Variants in NR3C1 observed in about 807,000 individuals in gnomAD.
The protein encoded by NR3C1 is glucocorticoid receptor.
In NR3C1, 14 loss-of-function variants were observed where a neutral mutation model predicts 74.0. The observed-to-expected ratio is 0.19, with a 90% confidence interval of 0.12 to 0.30. NR3C1 has a LOEUF of 0.30. Among genes scored for constraint, NR3C1 ranks in the 10% least tolerant of loss-of-function variants. The pLI, the probability that NR3C1 is intolerant of heterozygous loss-of-function variation, is 1.00. For synonymous variants in NR3C1, 308 were observed against 332.5 expected, an observed-to-expected ratio of 0.93 and a Z score of 0.80; for missense variants, 695 against 909.8, an observed-to-expected ratio of 0.76 and a Z score of 3.04.
chr5:143,279,190 C>T lies in NR3C1; in HGVS notation c.*2699G>A, dbSNP rs1289606543. On this transcript the variant is annotated 3_prime_UTR_variant, in exon 9 of 9. Transcript: ENST00000394464. ...CCACAATTAAACATAATTAAGATGACTTTCTTTTCCCCCACGTATCCTAAA... is the reference window on the plus strand; with the variant it reads ...CCACAATTAAACATAATTAAGATGATTTTCTTTTCCCCCACGTATCCTAAA... 1 of 689,554 alleles carries T rather than the reference C, an allele frequency of 1.5e-6. No individual in the cohort carries two copies. Among genetic ancestry groups the T allele is most frequent in the Admixed American group, 3.7e-5 (1 of 27,138 alleles). The allele number at this position is 689,554 out of a possible 1,614,324, so 42.7% of individuals were successfully genotyped here. A position where few individuals can be genotyped will look rare whatever the true frequency, so the allele number is the denominator to read the frequency against.
chr5:143,295,401 T>C lies in NR3C1; in HGVS notation c.2023+59A>G, dbSNP rs558692222. On this transcript the variant is annotated intron_variant, in intron 7 of 8. Transcript: ENST00000394464. ...AGTACTATGTATATAAATTAACCTT[T>C]GTTTCTAGGCCTTCATATTTCATGC... 9 of 1,599,646 alleles carry C rather than the reference T, an allele frequency of 5.6e-6. No individual in the cohort carries two copies. The East Asian group carries it at 9.0e-5, about 16-fold the overall frequency.
chr5:143,288,499 CTG>C (rs1432474460), intron 7 of NR3C1, among the ~76,000 whole-genome samples: 2 of 151,452 alleles, frequency 1.3e-5, no homozygotes, highest in African/African-American at 4.9e-5. Flanking sequence ...TTCTATCAGA[CTG>C]TGTTTTTGAG....
intron 2 of NR3C1, among the ~76,000 whole-genome samples, chr5:143,370,639 C>A (rs78841562): frequency 1.3e-5 from 2 of 152,192 alleles, no homozygotes; most frequent in African/African-American, 4.8e-5. Context: ...TTAGCAAGGT[C>A]GGCATTTAGC....
chr5:143,396,781 A>G (rs1393607912), intron 2 of NR3C1, among the ~76,000 whole-genome samples: 1 of 151,788 alleles, frequency 6.6e-6, no homozygotes, highest in Non-Finnish European at 1.5e-5. Flanking sequence ...GGATACGAAC[A>G]ATTTTTTAAC....
chr5:143,378,835 G>A (rs1835684208), intron 2 of NR3C1, among the ~76,000 whole-genome samples: 1 of 152,102 alleles, frequency 6.6e-6, no homozygotes, highest in African/African-American at 2.4e-5. Context: ...AATGTGGAAT[G>A]ATACTGTTCT....
chr5:143,283,256 G>A (rs1230902528), intron 7 of NR3C1, among the ~76,000 whole-genome samples: 1 of 152,158 alleles, frequency 6.6e-6, no homozygotes, highest in African/African-American at 2.4e-5. Context: ...TAAAATATAA[G>A]CATTTTCTTA....
intron 1 of NR3C1, among the ~76,000 whole-genome samples, chr5:143,424,004 T>C (rs796494658): frequency 6.4e-4 from 85 of 132,056 alleles, no homozygotes; most frequent in African/African-American, 2.1e-3. Flanking sequence ...TAGGTGGGAA[T>C]TGAACAATGA....
intron 2 of NR3C1, among the ~76,000 whole-genome samples, chr5:143,381,599 C>A (rs960537909): frequency 6.6e-6 from 1 of 151,908 alleles, no homozygotes; most frequent in Non-Finnish European, 1.5e-5. Flanking sequence ...AACAGATACA[C>A]AGACCTAGAG....
At chr5:143,391,867 T>G (rs953971987) in intron 2 of NR3C1, among the ~76,000 whole-genome samples, 1 of 152,222 alleles carries the variant, frequency 6.6e-6, no homozygotes, top group Non-Finnish European at 1.5e-5. Context: ...CATAACGTAC[T>G]TAGCCAATGA....
At chr5:143,314,300 A>C in intron 2 of NR3C1, 132 bp from the exon 3 acceptor site, 1 of 844,282 alleles carries the variant, frequency 1.2e-6, no homozygotes. Flanking sequence ...AGGCACTAAA[A>C]TATCCTAGCT....
At chr5:143,382,139 G>A (rs1483390105) in intron 2 of NR3C1, among the ~76,000 whole-genome samples, 1 of 152,040 alleles carries the variant, frequency 6.6e-6, no homozygotes, top group Non-Finnish European at 1.5e-5. Context: ...ACATACAAAT[G>A]GCCAACAGGT....
At chr5:143,316,387 C>T (rs774940028) in intron 2 of NR3C1, among the ~76,000 whole-genome samples, 6 of 152,128 alleles carry the variant, frequency 3.9e-5, no homozygotes, top group Admixed American at 6.5e-5. Flanking sequence ...AAGGTTAGGA[C>T]AGTATTCTGT....
intron 2 of NR3C1, among the ~76,000 whole-genome samples, chr5:143,391,100 G>C (rs1838147324): frequency 1.3e-5 from 2 of 152,038 alleles, no homozygotes; most frequent in Admixed American, 6.6e-5. Flanking sequence ...AAACCCAGCT[G>C]AATTCCAGAT....
intron 6 of NR3C1, among the ~76,000 whole-genome samples, chr5:143,296,952 C>T (rs1006738839): frequency 6.6e-6 from 1 of 151,754 alleles, no homozygotes; most frequent in Non-Finnish European, 1.5e-5. Flanking sequence ...GTGGAGTGCG[C>T]CTGTAATCCC....
At chr5:143,427,633 G>T (rs529736766) in intron 1 of NR3C1, among the ~76,000 whole-genome samples, 1 of 152,228 alleles carries the variant, frequency 6.6e-6, no homozygotes, top group East Asian at 1.9e-4. Flanking sequence ...GCTGCATCAG[G>T]CCCCATTAAC....
intron 1 of NR3C1, among the ~76,000 whole-genome samples, chr5:143,431,221 G>T (rs915087674): frequency 6.6e-6 from 1 of 152,140 alleles, no homozygotes; most frequent in Non-Finnish European, 1.5e-5. Context: ...CCCTTCCCCA[G>T]TGCATTCATT....
chr5:143,403,307 AATATATT>A lies in NR3C1; in HGVS notation c.-117_-111del. ...GTGAACGCAGAAGGAGCAGGAGGGA[AATATATT>A]TTTTTTTTCTAAAAAAAGGAAGTAA... On this transcript the variant is annotated 5_prime_UTR_variant, in exon 1 of 9. An upstream open reading frame in the 5' UTR gains an earlier in-frame stop. Coordinates refer to ENST00000394464, the MANE Select transcript of NR3C1 (RefSeq NM_000176.3). 3 of 984,252 alleles carry A rather than the reference AATATATT, an allele frequency of 3.0e-6. No individual in the cohort carries two copies. 61.0% of individuals were successfully genotyped at this position (984,252 alleles called of 1,614,324 possible).
chr5:143,380,898 A>T (rs1242792581), intron 2 of NR3C1, among the ~76,000 whole-genome samples: 1 of 152,192 alleles, frequency 6.6e-6, no homozygotes, highest in African/African-American at 2.4e-5. Flanking sequence ...CTACAACAAG[A>T]CAAGAGTGCC....
chr5:143,404,494 C>T, upstream of NR3C1: 1 of 981,608 alleles, frequency 1.0e-6, no homozygotes, highest in Non-Finnish European at 1.2e-6. Context: ...CAAAGCAGAA[C>T]CCACCCTCCC....
Sources: gnomAD v4.1 joint callset for allele counts (sites outside exome capture counted in the v4.1 genomes callset) on GRCh38, gnomAD v4.1.1 for gene constraint, MANE v1.5 for transcripts, NCBI Gene and HGNC (gene_info 2026-07-23, HGNC 2026-07-21) for gene names.